Variants in MACROD2 observed in about 807,000 individuals in gnomAD.
MACROD2 encodes the protein ADP-ribose glycohydrolase MACROD2.
Under a neutral mutation model 70.4 loss-of-function variants are expected in MACROD2, and 36 were observed. That is an observed-to-expected ratio of 0.51 (90% CI 0.39 to 0.68). MACROD2 has a LOEUF of 0.68. Ranked by LOEUF, MACROD2 falls within the 30% of genes least tolerant of loss-of-function variation. The pLI is 0.00. For missense variants in MACROD2, 496 were observed against 538.4 expected (o/e 0.92, Z 0.78); for synonymous variants, 172 against 178.8 (o/e 0.96, Z 0.30).
At chr20:15,319,137 C>T (rs974849511) in intron 6 of MACROD2, among the ~76,000 whole-genome samples, 3 of 152,064 alleles carry the variant, frequency 2.0e-5, no homozygotes, top group African/African-American at 7.2e-5. Context: ...AACATCAATA[C>T]ACACAAATCA....
chr20:15,693,962 A>G (rs2050331857), intron 8 of MACROD2, among the ~76,000 whole-genome samples: 1 of 151,182 alleles, frequency 6.6e-6, no homozygotes, highest in South Asian at 2.1e-4. Flanking sequence ...GAGAACATAC[A>G]ATGTTTGGTT....
intron 8 of MACROD2, among the ~76,000 whole-genome samples, chr20:15,701,652 G>C (rs1043205848): frequency 1.8e-4 from 28 of 152,084 alleles, no homozygotes; most frequent in Admixed American, 2.6e-4. Context: ...CCAGAATAAG[G>C]TTTTTTAAAA....
At chr20:15,914,402 A>G (rs926157931) in intron 10 of MACROD2, among the ~76,000 whole-genome samples, 2 of 152,206 alleles carry the variant, frequency 1.3e-5, no homozygotes, top group African/African-American at 2.4e-5. Flanking sequence ...ACATGAACCT[A>G]AGGCAGTTGG....
chr20:14,470,896 G>C (rs867759696), intron 3 of MACROD2, among the ~76,000 whole-genome samples: 4 of 152,282 alleles, frequency 2.6e-5, no homozygotes, highest in Admixed American at 6.5e-5. Context: ...AGACCACTTG[G>C]TTCCCTGGCT....
chr20:15,090,946 C>T (rs569270137), intron 5 of MACROD2, among the ~76,000 whole-genome samples: 5 of 152,074 alleles, frequency 3.3e-5, no homozygotes, highest in Admixed American at 1.3e-4. Context: ...AGGGCTTTCT[C>T]TAATCAATGG....
intron 3 of MACROD2, among the ~76,000 whole-genome samples, chr20:14,107,485 C>T (rs1181535454): frequency 6.6e-6 from 1 of 151,946 alleles, no homozygotes; most frequent in Non-Finnish European, 1.5e-5. Flanking sequence ...AAAGTGTATT[C>T]AAAGGAACAA....
At position 14,183,121 on chromosome 20, in the gene MACROD2, C is replaced by T. The variant is rs144003431; in HGVS notation, c.271+97393C>T. On this transcript the variant is annotated intron_variant, in intron 3 of 17. Coordinates refer to ENST00000684519, the MANE Select transcript of MACROD2 (RefSeq NM_001351661.2). Reference sequence around the variant, plus strand: ...TTGTCATACAGATTATTTCATCACCCGGGTATTAAGCCTAGGCTTAATAAA... The same window carrying T: ...TTGTCATACAGATTATTTCATCACCTGGGTATTAAGCCTAGGCTTAATAAA... 4.7e-3 allele frequency among the ~76,000 whole-genome samples: 697 copies of T among 149,684 alleles called. 7 individuals carry two copies. The highest frequency in any genetic ancestry group is 0.016 in the African/African-American group (647 of 40,916).
At chr20:14,774,694 CT>C (rs2072211892) in intron 5 of MACROD2, among the ~76,000 whole-genome samples, 1 of 151,962 alleles carries the variant, frequency 6.6e-6, no homozygotes, top group African/African-American at 2.4e-5. Context: ...GTTTATTAAC[CT>C]CAAAGTGTCA....
At chr20:14,544,514 A>G (rs1227295213) in intron 4 of MACROD2, among the ~76,000 whole-genome samples, 2 of 152,268 alleles carry the variant, frequency 1.3e-5, no homozygotes, top group African/African-American at 4.8e-5. Context: ...AAAAGTTTCG[A>G]GTCCATATGG....
intron 3 of MACROD2, among the ~76,000 whole-genome samples, chr20:14,427,608 C>A (rs2083948522): frequency 6.6e-6 from 1 of 151,888 alleles, no homozygotes; most frequent in Non-Finnish European, 1.5e-5. Context: ...ATATGCAAAT[C>A]CACAACCATG....
intron 5 of MACROD2, among the ~76,000 whole-genome samples, chr20:14,904,585 C>T (rs1335956242): frequency 6.6e-6 from 1 of 152,030 alleles, no homozygotes; most frequent in Non-Finnish European, 1.5e-5. Flanking sequence ...GAGATAAACT[C>T]ATAATTTGTT....
chr20:15,867,569 T>A (rs189596669), intron 9 of MACROD2, among the ~76,000 whole-genome samples: 1 of 152,190 alleles, frequency 6.6e-6, no homozygotes, highest in Non-Finnish European at 1.5e-5. Context: ...ATCTCTTTGT[T>A]CTTTACATAA....
intron 6 of MACROD2, among the ~76,000 whole-genome samples, chr20:15,392,979 A>C (rs558487494): frequency 2.0e-5 from 3 of 152,080 alleles, no homozygotes; most frequent in African/African-American, 7.2e-5. Context: ...TTTGAGAAGC[A>C]TGGGATAAGG....
In MACROD2 at chr20:15,194,951, G is replaced by C. The variant is rs2076595538; in HGVS notation, c.419-34989G>C. On this transcript the variant is annotated intron_variant, in intron 5 of 17. Transcript: ENST00000684519. The stretch of plus-strand genomic sequence containing the variant: ...GAAGTCTTTCAGTTTTAACTTTTGT[G>C]GTATTAAAGAATCGTTTTCTAAGCA... Among the ~76,000 whole-genome samples the C allele has an allele frequency of 2.6e-5, 4 of 152,032 alleles. No homozygotes were observed. The South Asian group carries it at 8.3e-4, about 32-fold the overall frequency.
At chr20:15,165,947 C>A (rs913187708) in intron 5 of MACROD2, among the ~76,000 whole-genome samples, 1 of 152,068 alleles carries the variant, frequency 6.6e-6, no homozygotes, top group African/African-American at 2.4e-5. Context: ...CATATTACAA[C>A]ATAGATGAAC....
At chr20:14,789,460 ATTTTTT>A (rs3045609) in intron 5 of MACROD2, among the ~76,000 whole-genome samples, 209 of 48,328 alleles carry the variant, frequency 4.3e-3, no homozygotes, top group Middle Eastern at 0.045. Context: ...GGTAGTGCAA[ATTTTTT>A]TTTTTTTTTT....
chr20:14,940,475 T>G (rs1454021175), intron 5 of MACROD2, among the ~76,000 whole-genome samples: 1 of 152,212 alleles, frequency 6.6e-6, no homozygotes, highest in African/African-American at 2.4e-5. Context: ...CTTGTCTTGT[T>G]CTAGATCTTA....
At chr20:15,938,332 C>A (rs548899948) in intron 12 of MACROD2, among the ~76,000 whole-genome samples, 1 of 152,142 alleles carries the variant, frequency 6.6e-6, no homozygotes, top group South Asian at 2.1e-4. Flanking sequence ...TTGTGGGAAC[C>A]CTGCATCAAG....
intron 12 of MACROD2, 70 bp downstream of exon 12, chr20:15,937,614 G>A (rs1042554448): frequency 1.3e-4 from 185 of 1,421,128 alleles, no homozygotes; most frequent in Non-Finnish European, 1.7e-4. Flanking sequence ...TGTTTACATG[G>A]AAAAATGAAG....
Sources: allele counts gnomAD v4.1 joint callset (sites outside exome capture counted in the v4.1 genomes callset), GRCh38; gene constraint gnomAD v4.1.1; transcripts MANE v1.5; gene names NCBI Gene and HGNC (gene_info 2026-07-23, HGNC 2026-07-21).